MAGI2: variants seen among roughly 807,000 people sequenced by gnomAD.
MAGI2 encodes the protein membrane associated guanylate kinase, WW and PDZ domain containing 2.
In MAGI2, 35 loss-of-function variants were observed where a neutral mutation model predicts 133.3. The ratio of observed to expected loss-of-function variants is 0.26; its 90% CI spans 0.20 to 0.35. The LOEUF (loss-of-function observed/expected upper bound fraction) is 0.35. MAGI2 is among the 10% of genes least tolerant of loss of function. The probability of loss-of-function intolerance (pLI) is 1.00; values close to 1 mark genes in which losing one functional copy is unlikely to be tolerated. For missense variants in MAGI2, 1,636 were observed against 1,863.4 expected (o/e 0.88, Z 2.25); for synonymous variants, 729 against 710.6 (o/e 1.03, Z -0.41).
intron 21 of MAGI2, chr7:78,039,592 C>G (rs1810588753): frequency 6.6e-6 from 1 of 152,224 alleles, no homozygotes; most frequent in South Asian, 2.1e-4. Flanking sequence ...TGTGGATGAT[C>G]TTTCCTTTAC....
At chr7:79,316,891 C>T (rs1233699631) in intron 1 of MAGI2, among the ~76,000 whole-genome samples, 1 of 151,800 alleles carries the variant, frequency 6.6e-6, no homozygotes, top group Admixed American at 6.6e-5. Context: ...AGTTAAATAA[C>T]TTGCCCAGGG....
At chr7:79,340,513 G>A (rs1268633639) in intron 1 of MAGI2, among the ~76,000 whole-genome samples, 2 of 152,082 alleles carry the variant, frequency 1.3e-5, no homozygotes, top group Non-Finnish European at 2.9e-5. Flanking sequence ...TTAGGTGACA[G>A]CTTTCATATC....
chr7:78,569,501 A>G (rs888817755), intron 3 of MAGI2, among the ~76,000 whole-genome samples: 2 of 152,174 alleles, frequency 1.3e-5, no homozygotes, highest in African/African-American at 4.8e-5. Context: ...GGAAACTCAG[A>G]CTTTCTTTTG....
At chr7:78,862,672 C>T (rs1404273606) in intron 2 of MAGI2, among the ~76,000 whole-genome samples, 3 of 152,130 alleles carry the variant, frequency 2.0e-5, no homozygotes, top group Non-Finnish European at 4.4e-5. Flanking sequence ...TCTAACTAAC[C>T]CTTATAAACA....
intron 21 of MAGI2, chr7:78,065,640 G>A (rs1275490743): frequency 1.4e-6 from 1 of 699,810 alleles, no homozygotes; most frequent in Admixed American, 2.0e-5. Context: ...TCATGCACAT[G>A]GAGAGACTGG....
intron 6 of MAGI2, among the ~76,000 whole-genome samples, chr7:78,467,944 G>T (rs115290984): frequency 6.6e-6 from 1 of 152,026 alleles, no homozygotes; most frequent in Non-Finnish European, 1.5e-5. Flanking sequence ...TACTATATGA[G>T]AAACCAATAA....
At chr7:79,254,188 G>A (rs1833525048) in intron 1 of MAGI2, among the ~76,000 whole-genome samples, 1 of 151,946 alleles carries the variant, frequency 6.6e-6, no homozygotes. Context: ...TGAACTGTCT[G>A]TTCATATTCT....
intron 1 of MAGI2, among the ~76,000 whole-genome samples, chr7:79,156,991 C>T (rs1200583984): frequency 6.6e-6 from 1 of 151,986 alleles, no homozygotes; most frequent in Non-Finnish European, 1.5e-5. Flanking sequence ...TCCTGGAACT[C>T]CCTTCGGTTG....
intron 10 of MAGI2, among the ~76,000 whole-genome samples, chr7:78,218,687 A>G (rs767229340): frequency 1.3e-5 from 2 of 152,248 alleles, no homozygotes; most frequent in African/African-American, 2.4e-5. Flanking sequence ...TGTCACCTGC[A>G]TATGACAAAG....
chr7:79,365,948 T>G (rs1585719902), intron 1 of MAGI2, among the ~76,000 whole-genome samples: 5 of 117,444 alleles, frequency 4.3e-5, no homozygotes, highest in Non-Finnish European at 5.3e-5. Flanking sequence ...TTAGGTTGAG[T>G]GAAAAAAAAA....
chr7:78,088,319 T>A (rs1377896683), intron 20 of MAGI2, among the ~76,000 whole-genome samples: 2 of 152,218 alleles, frequency 1.3e-5, no homozygotes, highest in Admixed American at 6.5e-5. Context: ...TTTCAACTTT[T>A]TAGCACCTTC....
intron 2 of MAGI2, among the ~76,000 whole-genome samples, chr7:78,889,942 TAA>T (rs571035656): frequency 6.6e-6 from 1 of 152,244 alleles, no homozygotes; most frequent in South Asian, 2.1e-4. Context: ...GCAAATTGGA[TAA>T]AGAGTCAAGA....
chr7:79,130,348 A>AT (rs988033142), intron 1 of MAGI2, among the ~76,000 whole-genome samples: 1 of 152,002 alleles, frequency 6.6e-6, no homozygotes, highest in Non-Finnish European at 1.5e-5. Context: ...AAATACTTGG[A>AT]TTTTTTATTT....
At chr7:78,257,131 A>G (rs1281590731) in intron 9 of MAGI2, among the ~76,000 whole-genome samples, 1 of 152,164 alleles carries the variant, frequency 6.6e-6, no homozygotes, top group Non-Finnish European at 1.5e-5. Context: ...TATGCGAGCA[A>G]AGGTCAAGGG....
chr7:78,161,648 G>A (rs115509317), intron 15 of MAGI2, among the ~76,000 whole-genome samples: 962 of 89,112 alleles, frequency 0.011, 6 homozygotes, highest in African/African-American at 0.037. Flanking sequence ...TGCAAGAGAC[G>A]TTTTGTTACA....
chr7:78,742,320 C>T (rs1437666680), intron 2 of MAGI2, among the ~76,000 whole-genome samples: 2 of 152,010 alleles, frequency 1.3e-5, no homozygotes, highest in Admixed American at 6.5e-5. Context: ...CACAGAATTC[C>T]TCTACCATCA....
At chr7:78,715,439 G>A (rs1819607690) in intron 2 of MAGI2, among the ~76,000 whole-genome samples, 2 of 152,064 alleles carry the variant, frequency 1.3e-5, no homozygotes, top group South Asian at 2.1e-4. Flanking sequence ...TAAAAATTAA[G>A]GACTTTGTCA....
At chr7:78,298,187 G>C (rs1292591679) in intron 9 of MAGI2, among the ~76,000 whole-genome samples, 1 of 152,004 alleles carries the variant, frequency 6.6e-6, no homozygotes, top group Non-Finnish European at 1.5e-5. Flanking sequence ...CAAAATTCCT[G>C]AACAGTACTC....
chr7:78,033,174 T>C (rs1018974539), intron 21 of MAGI2, among the ~76,000 whole-genome samples: 4 of 152,032 alleles, frequency 2.6e-5, no homozygotes, highest in African/African-American at 7.2e-5. Context: ...GGATATCTTT[T>C]TGAAGATAGA....
Sources: allele counts gnomAD v4.1 joint callset (sites outside exome capture counted in the v4.1 genomes callset), GRCh38; gene constraint gnomAD v4.1.1; transcripts MANE v1.5; gene names NCBI Gene and HGNC (gene_info 2026-07-23, HGNC 2026-07-21).